Variants in ARHGAP26 observed in about 807,000 individuals in gnomAD.
ARHGAP26 encodes the protein Rho GTPase activating protein 26, also known as rho GTPase-activating protein 26.
Under a neutral mutation model 104.8 loss-of-function variants are expected in ARHGAP26, and 38 were observed. The ratio of observed to expected loss-of-function variants is 0.36; its 90% CI spans 0.28 to 0.48. The LOEUF (loss-of-function observed/expected upper bound fraction) is 0.48, where lower values mean the gene tolerates loss of function less well. ARHGAP26 is among the 20% of genes least tolerant of loss of function. ARHGAP26 has a pLI of 0.99. For missense variants in ARHGAP26, 704 were observed against 947.9 expected (o/e 0.74, Z 3.38); for synonymous variants, 341 against 340.0 (o/e 1.00, Z -0.03).
At chr5:143,187,874 C>G (rs1805372281) in intron 20 of ARHGAP26, among the ~76,000 whole-genome samples, 1 of 152,204 alleles carries the variant, frequency 6.6e-6, no homozygotes, top group Non-Finnish European at 1.5e-5. Context: ...TGTCTTGCCT[C>G]AGCAGAGAGA....
At chr5:142,842,139 C>T (rs776165297) in intron 1 of ARHGAP26, among the ~76,000 whole-genome samples, 3 of 152,120 alleles carry the variant, frequency 2.0e-5, no homozygotes, top group African/African-American at 4.8e-5. Flanking sequence ...AGTCATGATT[C>T]GCTTTGGGAA....
chr5:143,220,978 C>T (rs185171357), intron 22 of ARHGAP26, among the ~76,000 whole-genome samples: 2 of 152,278 alleles, frequency 1.3e-5, no homozygotes, highest in African/African-American at 4.8e-5. Flanking sequence ...TTTAATTAGC[C>T]CAGGAAGGGA....
At chr5:142,963,200 G>GTATA (rs1409082862) in intron 11 of ARHGAP26, among the ~76,000 whole-genome samples, 36 of 92,588 alleles carry the variant, frequency 3.9e-4, no homozygotes, top group Middle Eastern at 5.3e-3. Flanking sequence ...ATATATATAT[G>GTATA]TGTGTGTGTG....
At chr5:142,886,901 A>G (rs1433048807) in intron 5 of ARHGAP26, among the ~76,000 whole-genome samples, 1 of 152,186 alleles carries the variant, frequency 6.6e-6, no homozygotes, top group Non-Finnish European at 1.5e-5. Flanking sequence ...TAGGATTTGG[A>G]AACTAACTTA....
intron 11 of ARHGAP26, among the ~76,000 whole-genome samples, chr5:142,968,211 CAGAG>C (rs143315910): frequency 6.6e-6 from 1 of 152,246 alleles, no homozygotes; most frequent in African/African-American, 2.4e-5. Flanking sequence ...AACTGAGACA[CAGAG>C]AGATTAAGTA....
chr5:142,799,478 TGA>T (rs1304711906), intron 1 of ARHGAP26, among the ~76,000 whole-genome samples: 1 of 152,222 alleles, frequency 6.6e-6, no homozygotes, highest in Non-Finnish European at 1.5e-5. Context: ...GCTTTGAGGC[TGA>T]GAGTATTTGT....
chr5:143,169,567 A>T (rs1182959992), intron 20 of ARHGAP26: 1 of 152,230 alleles, frequency 6.6e-6, no homozygotes, highest in East Asian at 1.9e-4. Flanking sequence ...TTTGAAATAC[A>T]GGCTGAGCCT....
intron 1 of ARHGAP26, among the ~76,000 whole-genome samples, chr5:142,826,679 T>C (rs1248987709): frequency 6.6e-6 from 1 of 152,144 alleles, no homozygotes; most frequent in Admixed American, 6.5e-5. Flanking sequence ...ACCCATGAGG[T>C]GGGGTGATTC....
At chr5:143,183,073 C>CAAAAAAAAAAAAA (rs70991799) in intron 20 of ARHGAP26, among the ~76,000 whole-genome samples, 1 of 89,962 alleles carries the variant, frequency 1.1e-5, no homozygotes, top group African/African-American at 3.8e-5. Context: ...TGAAAAGTGG[C>CAAAAAAAAAAAAA]AAAAAAAAAA....
At chr5:143,042,088 CAA>C (rs1783556031) in intron 14 of ARHGAP26, among the ~76,000 whole-genome samples, 198 bp downstream of exon 14, 1 of 152,114 alleles carries the variant, frequency 6.6e-6, no homozygotes, top group Admixed American at 6.5e-5. Flanking sequence ...TAGGACTGGA[CAA>C]AATAAAAAAT....
At chr5:143,063,436 TA>T (rs1787031885) in intron 17 of ARHGAP26, among the ~76,000 whole-genome samples, 1 of 152,184 alleles carries the variant, frequency 6.6e-6, no homozygotes, top group South Asian at 2.1e-4. Context: ...TTCCCCTGCT[TA>T]AAAAAACTTC....
intron 1 of ARHGAP26, among the ~76,000 whole-genome samples, chr5:142,826,138 C>G (rs903394809): frequency 1.3e-5 from 2 of 152,132 alleles, no homozygotes; most frequent in African/African-American, 4.8e-5. Flanking sequence ...AATTATTTTT[C>G]AAGGAGGGGG....
intron 17 of ARHGAP26, among the ~76,000 whole-genome samples, chr5:143,102,472 C>T (rs897909706): frequency 1.6e-4 from 25 of 152,324 alleles, no homozygotes; most frequent in Admixed American, 9.2e-4. Context: ...TTTTTCCTCC[C>T]CTAACTCAGA....
chr5:142,860,916 G>A (rs1753203638), intron 1 of ARHGAP26, among the ~76,000 whole-genome samples: 2 of 152,182 alleles, frequency 1.3e-5, no homozygotes, highest in Non-Finnish European at 2.9e-5. Context: ...AGAACTGCCT[G>A]GGAAGCCCAG....
At chr5:143,002,286 G>A (rs1026019432) in intron 11 of ARHGAP26, among the ~76,000 whole-genome samples, 30 of 151,498 alleles carry the variant, frequency 2.0e-4, no homozygotes, top group African/African-American at 1.9e-4. Flanking sequence ...ATACCATCCC[G>A]AGGAATTTCT....
Position 143,226,485 on chromosome 5 carries a change from G to GAA in ARHGAP26, c.*4059_*4060dup, listed in dbSNP as rs57822966. ...GACAGAGCCAGACTCCGTCTCAAAG[G>GAA]AAAAAAAAAAAAAAAAAAAAAGAAT... On this transcript the variant is annotated 3_prime_UTR_variant, in exon 23 of 23. Transcript: ENST00000645722. 9.9e-5 allele frequency: 14 copies of GAA among 140,800 alleles called. No individual in the cohort carries two copies. The highest frequency in any genetic ancestry group is 5.0e-4 in the South Asian group (2 of 4,002). The allele number at this position is 140,800 out of a possible 1,614,324, so 8.7% of individuals were successfully genotyped here. A position where few individuals can be genotyped will look rare whatever the true frequency, so the allele number is the denominator to read the frequency against.
At chr5:143,104,757 G>A (rs1006909050) in intron 17 of ARHGAP26, among the ~76,000 whole-genome samples, 1 of 152,126 alleles carries the variant, frequency 6.6e-6, no homozygotes, top group African/African-American at 2.4e-5. Flanking sequence ...GACAATGAAT[G>A]GTACTTGAAA....
At chr5:143,057,847 T>C in intron 17 of ARHGAP26, 100 bp downstream of exon 17, 1 of 980,236 alleles carries the variant, frequency 1.0e-6, no homozygotes, top group South Asian at 1.3e-5. Context: ...TCTCTCCCAC[T>C]ATTGCATCAG....
intron 11 of ARHGAP26, among the ~76,000 whole-genome samples, chr5:143,001,162 A>C (rs1777143709): frequency 6.6e-6 from 1 of 152,128 alleles, no homozygotes; most frequent in Non-Finnish European, 1.5e-5. Context: ...AGTGGTTGCC[A>C]GTGCATGGGG....
Sources: allele counts gnomAD v4.1 joint callset (sites outside exome capture counted in the v4.1 genomes callset), GRCh38; gene constraint gnomAD v4.1.1; transcripts MANE v1.5; gene names NCBI Gene and HGNC (gene_info 2026-07-23, HGNC 2026-07-21).